ARSJ: variants seen among roughly 807,000 people sequenced by gnomAD.
ARSJ encodes arylsulfatase family member J.
ARSJ carries 26 observed loss-of-function variants against 35.9 expected under a neutral mutation model. The observed-to-expected ratio is 0.72, with a 90% CI of 0.53 to 1.00. ARSJ has a LOEUF of 1.00. Among genes scored for constraint, ARSJ ranks in the 50% least tolerant of loss-of-function variants. The pLI, the probability that ARSJ is intolerant of heterozygous loss-of-function variation, is 0.00. For missense variants in ARSJ, 667 were observed against 723.6 expected, an observed-to-expected ratio of 0.92 and a Z score of 0.90; for synonymous variants, 294 against 267.6, an observed-to-expected ratio of 1.10 and a Z score of -0.96.
chr4:113,976,390 G>A (rs114621773), intron 1 of ARSJ, among the ~76,000 whole-genome samples: 2,183 of 152,030 alleles, frequency 0.014, 56 homozygotes, highest in African/African-American at 0.048. Flanking sequence ...CATATTCTCT[G>A]GGACCTGCAT....
At chr4:113,938,002 C>G (rs1188422891) in intron 1 of ARSJ, among the ~76,000 whole-genome samples, 1 of 151,960 alleles carries the variant, frequency 6.6e-6, no homozygotes, top group Non-Finnish European at 1.5e-5. Flanking sequence ...CATTAAATTA[C>G]TGTTTACATT....
chr4:113,973,197 C>G (rs1418607647), intron 1 of ARSJ, among the ~76,000 whole-genome samples: 1 of 152,144 alleles, frequency 6.6e-6, no homozygotes. Context: ...TGTTTTACCC[C>G]ATCTGACCTT....
chr4:113,979,020 G>A lies in ARSJ; in HGVS notation c.-186C>T. The A allele has an allele frequency of 1.8e-6, 1 of 556,664 alleles. No homozygotes were observed. The highest frequency in any genetic ancestry group is 3.1e-5 in the South Asian group (1 of 32,308). The allele number at this position is 556,664 out of a possible 1,614,324, so 34.5% of individuals were successfully genotyped here. A position where few individuals can be genotyped will look rare whatever the true frequency, so the allele number is the denominator to read the frequency against. ...GTGATGGCTTAATGGATGGGACTCCGGAAGAACAAGGAGGGCTCGCTCTTC... is the reference window on the plus strand; with the variant it reads ...GTGATGGCTTAATGGATGGGACTCCAGAAGAACAAGGAGGGCTCGCTCTTC... On this transcript the variant is annotated 5_prime_UTR_variant, in exon 1 of 2. Transcript: ENST00000315366.
intron 1 of ARSJ, among the ~76,000 whole-genome samples, chr4:113,955,557 T>C (rs1419309216): frequency 2.0e-5 from 3 of 152,078 alleles, no homozygotes; most frequent in African/African-American, 4.8e-5. Context: ...GACTGGTTTT[T>C]CCAAGCACTA....
intron 1 of ARSJ, among the ~76,000 whole-genome samples, chr4:113,963,640 G>A (rs1023356942): frequency 6.6e-6 from 1 of 151,692 alleles, no homozygotes; most frequent in Non-Finnish European, 1.5e-5. Flanking sequence ...ATCACCCAGT[G>A]TCTAGAACAG....
chr4:113,906,945 C>A (rs1372920007), intron 1 of ARSJ, among the ~76,000 whole-genome samples: 1 of 152,108 alleles, frequency 6.6e-6, no homozygotes, highest in Non-Finnish European at 1.5e-5. Flanking sequence ...TTCACTGCAA[C>A]AGTGAGAAGT....
At chr4:113,910,557 A>G (rs1351475417) in intron 1 of ARSJ, among the ~76,000 whole-genome samples, 1 of 152,160 alleles carries the variant, frequency 6.6e-6, no homozygotes, top group African/African-American at 2.4e-5. Context: ...CTAATTTTCC[A>G]TATTCTGAAA....
At chr4:113,918,216 C>T (rs560367516) in intron 1 of ARSJ, among the ~76,000 whole-genome samples, 1 of 152,258 alleles carries the variant, frequency 6.6e-6, no homozygotes, top group South Asian at 2.1e-4. Context: ...GAATTGTCCT[C>T]ACACACTTCA....
At chr4:113,952,680 G>T (rs1594482511) in intron 1 of ARSJ, among the ~76,000 whole-genome samples, 1 of 152,026 alleles carries the variant, frequency 6.6e-6, no homozygotes, top group African/African-American at 2.4e-5. Flanking sequence ...GTCGACCCCT[G>T]GTTAGAAGGA....
Position 113,901,942 on chromosome 4 carries a change from T to G in ARSJ, c.*332A>C. 1 of 392,620 alleles carries G rather than the reference T, an allele frequency of 2.5e-6. No individual in the cohort carries two copies. The highest frequency in any genetic ancestry group is 4.6e-6 in the Non-Finnish European group (1 of 215,792). 24.3% of individuals were successfully genotyped at this position (392,620 alleles called of 1,614,324 possible). ...ATTAGCATGCTTGCGGATGGTAGGT[T>G]ATTGTTCTCCTCCTATAATTCAAAG... is the stretch of plus-strand genomic sequence containing the variant. On this transcript the variant is annotated 3_prime_UTR_variant, in exon 2 of 2. Transcript: ENST00000315366.
intron 1 of ARSJ, among the ~76,000 whole-genome samples, chr4:113,906,496 G>C (rs756303139): frequency 3.3e-5 from 5 of 152,134 alleles, no homozygotes; most frequent in Non-Finnish European, 7.4e-5. Context: ...TTTTTAAATT[G>C]GAAAATTTAA....
chr4:113,939,683 G>A (rs1420988322), intron 1 of ARSJ, among the ~76,000 whole-genome samples: 2 of 149,014 alleles, frequency 1.3e-5, no homozygotes, highest in Admixed American at 1.3e-4. Context: ...ATTTTTTCAT[G>A]TGTCTTTTGG....
intron 1 of ARSJ, among the ~76,000 whole-genome samples, chr4:113,921,411 CTTA>C (rs1394591647): frequency 1.3e-5 from 2 of 152,016 alleles, no homozygotes; most frequent in Non-Finnish European, 2.9e-5. Context: ...AGCTCTTTTT[CTTA>C]TTATCTTGGA....
chr4:113,918,330 A>C (rs1463126358), intron 1 of ARSJ, among the ~76,000 whole-genome samples: 1 of 152,170 alleles, frequency 6.6e-6, no homozygotes, highest in Non-Finnish European at 1.5e-5. Flanking sequence ...CTCAGTACTC[A>C]TCTTTTATTT....
At chr4:113,914,162 C>A (rs1723126739) in intron 1 of ARSJ, among the ~76,000 whole-genome samples, 1 of 151,914 alleles carries the variant, frequency 6.6e-6, no homozygotes, top group African/African-American at 2.4e-5. Context: ...TTATTACAGA[C>A]CGGGTTTCAC....
intron 1 of ARSJ, among the ~76,000 whole-genome samples, chr4:113,968,080 G>A (rs1727006248): frequency 1.3e-5 from 2 of 152,090 alleles, no homozygotes; most frequent in African/African-American, 2.4e-5. Context: ...AAGGTTATAT[G>A]GGTTTCTATG....
intron 1 of ARSJ, chr4:113,946,093 T>A (rs1725462422): frequency 6.6e-6 from 1 of 152,102 alleles, no homozygotes; most frequent in Non-Finnish European, 1.5e-5. Flanking sequence ...GTCACTTCTG[T>A]AAGTCACTTT....
intron 1 of ARSJ, among the ~76,000 whole-genome samples, chr4:113,906,119 G>A (rs571831638): frequency 2.0e-5 from 3 of 152,086 alleles, no homozygotes; most frequent in Admixed American, 6.5e-5. Context: ...CCCATTAATG[G>A]AAACTTGGAG....
chr4:113,963,030 G>A (rs935324663), intron 1 of ARSJ, among the ~76,000 whole-genome samples: 2 of 151,928 alleles, frequency 1.3e-5, no homozygotes, highest in Non-Finnish European at 2.9e-5. Context: ...TACATACAAC[G>A]ATCCCTTCCT....
Sources: allele counts gnomAD v4.1 joint callset (sites outside exome capture counted in the v4.1 genomes callset), GRCh38; gene constraint gnomAD v4.1.1; transcripts MANE v1.5; gene names NCBI Gene and HGNC (gene_info 2026-07-23, HGNC 2026-07-21).